Variants in SDK1 observed in about 807,000 individuals in gnomAD.
The protein encoded by SDK1 is sidekick cell adhesion molecule 1.
A neutral mutation model predicts 245.5 loss-of-function variants in SDK1; 157 were observed. The ratio of observed to expected loss-of-function variants is 0.64; its 90% CI spans 0.56 to 0.73. The LOEUF (loss-of-function observed/expected upper bound fraction) is 0.73, where lower values mean the gene tolerates loss of function less well. Among genes scored for constraint, SDK1 ranks in the 30% least tolerant of loss-of-function variants. The pLI, the probability that SDK1 is intolerant of heterozygous loss-of-function variation, is 0.00. For missense variants in SDK1, 3,583 were observed against 3,002.3 expected, an observed-to-expected ratio of 1.19 and a Z score of -4.52; for synonymous variants, 1,647 against 1,278.5, an observed-to-expected ratio of 1.29 and a Z score of -6.15.
intron 17 of SDK1, among the ~76,000 whole-genome samples, chr7:4,020,595 C>T (rs113970866): frequency 3.3e-5 from 5 of 152,212 alleles, no homozygotes; most frequent in African/African-American, 9.6e-5. Flanking sequence ...GAAGGTGGCA[C>T]ATGAGGAAGC....
In SDK1 at chr7:3,344,321, T is replaced by C. The variant is rs143943820; in HGVS notation, c.298+42437T>C. 1.4e-3 allele frequency among the ~76,000 whole-genome samples: 211 copies of C among 152,356 alleles called. 4 individuals carry two copies. Among genetic ancestry groups the C allele is most frequent in the African/African-American group, 4.9e-3 (205 of 41,590 alleles). ...TCAGTAGCATCAAATACGTTCACAT[T>C]GTCGTGCATCTAGTCTCCACAGCTA... On this transcript the variant is annotated intron_variant, in intron 1 of 44. Transcript: ENST00000404826.
intron 14 of SDK1, among the ~76,000 whole-genome samples, chr7:4,000,133 G>A (rs186683781): frequency 2.0e-5 from 3 of 152,300 alleles, no homozygotes; most frequent in East Asian, 1.9e-4. Flanking sequence ...GGAAGGAGGG[G>A]GCCCAAGATG....
At chr7:3,718,568 T>C (rs1292063840) in intron 4 of SDK1, among the ~76,000 whole-genome samples, 1 of 143,318 alleles carries the variant, frequency 7.0e-6, no homozygotes, top group African/African-American at 2.7e-5. Flanking sequence ...AATAAATAAA[T>C]AAATAAATAA....
At chr7:3,715,450 T>C (rs1785172657) in intron 4 of SDK1, among the ~76,000 whole-genome samples, 1 of 152,124 alleles carries the variant, frequency 6.6e-6, no homozygotes. Flanking sequence ...AAAGATATCC[T>C]CTCAGCCTAC....
rs191707071 is a variant in SDK1 at position 3,532,477 on chromosome 7, T to A, written c.299-86603T>A. Among the ~76,000 whole-genome samples the A allele has an allele frequency of 6.4e-4, 98 of 152,264 alleles. 1 individual carries two copies. Among genetic ancestry groups the A allele is most frequent in the African/African-American group, 2.2e-3 (93 of 41,536 alleles). On this transcript the variant is annotated intron_variant, in intron 1 of 44. Transcript: ENST00000404826. ...CTCACCTGGTAGCTTTGCCTCCTCT[T>A]CATGGTGGAGTAAATTGAGCCCTGA...
chr7:3,557,778 T>C (rs189928597), intron 1 of SDK1, among the ~76,000 whole-genome samples: 1 of 152,280 alleles, frequency 6.6e-6, no homozygotes, highest in East Asian at 1.9e-4. Context: ...TAAAAAAAGC[T>C]AGCAGCTTGT....
intron 26 of SDK1, 143 bp downstream of exon 26, chr7:4,127,639 T>A (rs1784478134): frequency 1.4e-5 from 9 of 652,674 alleles, no homozygotes; most frequent in Non-Finnish European, 2.5e-5. Flanking sequence ...ATTAAGATAT[T>A]CAGTTGTCTT....
At position 3,320,961 on chromosome 7, in the gene SDK1, A is replaced by AT. The variant is rs573642064; in HGVS notation, c.298+19078dup. On this transcript the variant is annotated intron_variant, in intron 1 of 44. Coordinates refer to ENST00000404826, the MANE Select transcript of SDK1 (RefSeq NM_152744.4). Reference sequence around the variant, plus strand: ...AAACCTTGTGCTTGACAAAAATTGAATGTTGCCTGTATACTCCAGACACAA... The same window carrying AT: ...AAACCTTGTGCTTGACAAAAATTGAATTGTTGCCTGTATACTCCAGACACAA... 3.8e-4 allele frequency among the ~76,000 whole-genome samples: 58 copies of AT among 152,230 alleles called. 1 individual carries two copies. The highest frequency in any genetic ancestry group is 2.6e-3 in the Admixed American group (40 of 15,280).
chr7:3,818,248 G>A (rs1454649803), intron 4 of SDK1, among the ~76,000 whole-genome samples: 3 of 152,138 alleles, frequency 2.0e-5, no homozygotes, highest in Admixed American at 6.5e-5. Flanking sequence ...GCCAAATATT[G>A]TAATTTTTCT....
chr7:3,922,164 G>A (rs1455656208), intron 5 of SDK1, among the ~76,000 whole-genome samples: 1 of 152,172 alleles, frequency 6.6e-6, no homozygotes, highest in Non-Finnish European at 1.5e-5. Context: ...GGTAGTCTCT[G>A]CCTTTTAGTT....
intron 5 of SDK1, among the ~76,000 whole-genome samples, chr7:3,929,778 G>A (rs763660348): frequency 7.2e-5 from 11 of 152,102 alleles, no homozygotes; most frequent in Non-Finnish European, 1.5e-4. Flanking sequence ...GATAGGTGGA[G>A]AGGTGTATTA....
rs544223401 is a variant in SDK1 at position 3,629,157 on chromosome 7, C to T, written c.459-9847C>T. On this transcript the variant is annotated intron_variant, in intron 2 of 44. Transcript: ENST00000404826. ...AATGCAAAAAAAAAAAAAAATTAGC[C>T]GGGCATGGTGGCGGGCGCCTGTAGT... 2.6e-5 allele frequency among the ~76,000 whole-genome samples: 4 copies of T among 151,506 alleles called. No individual in the cohort carries two copies. The South Asian group carries it at 8.4e-4, about 32-fold the overall frequency.
intron 1 of SDK1, among the ~76,000 whole-genome samples, chr7:3,477,250 C>T (rs1282934963): frequency 8.3e-6 from 1 of 120,208 alleles, no homozygotes; most frequent in African/African-American, 3.3e-5. Context: ...GGCTGGAGTG[C>T]AGCGGCGCGA....
intron 5 of SDK1, among the ~76,000 whole-genome samples, chr7:3,926,837 G>A (rs1779789010): frequency 6.6e-6 from 1 of 152,208 alleles, no homozygotes; most frequent in African/African-American, 2.4e-5. Flanking sequence ...TGTGACCCAG[G>A]CCACATCAGG....
chr7:3,345,782 T>C (rs1263739381), intron 1 of SDK1, among the ~76,000 whole-genome samples: 1 of 152,182 alleles, frequency 6.6e-6, no homozygotes, highest in Non-Finnish European at 1.5e-5. Context: ...TGTTGTTCCA[T>C]GAAATTTGAG....
intron 1 of SDK1, among the ~76,000 whole-genome samples, chr7:3,531,690 C>T (rs550979447): frequency 2.0e-5 from 3 of 152,078 alleles, no homozygotes; most frequent in South Asian, 4.1e-4. Context: ...CTATTTTTGT[C>T]GCCTCACCTA....
intron 1 of SDK1, among the ~76,000 whole-genome samples, chr7:3,540,007 T>G (rs1310527249): frequency 6.6e-6 from 1 of 152,226 alleles, no homozygotes; most frequent in Non-Finnish European, 1.5e-5. Flanking sequence ...GTGTGAAATA[T>G]CTTTACTTTT....
At chr7:3,896,249 C>T (rs751008710) in intron 5 of SDK1, among the ~76,000 whole-genome samples, 2 of 152,218 alleles carry the variant, frequency 1.3e-5, no homozygotes, top group Admixed American at 6.5e-5. Context: ...GGTTTGGCAT[C>T]TTCCTTCTCC....
intron 4 of SDK1, among the ~76,000 whole-genome samples, chr7:3,712,716 C>T (rs1398659356): frequency 6.6e-6 from 1 of 152,148 alleles, no homozygotes; most frequent in Non-Finnish European, 1.5e-5. Flanking sequence ...CAGTAGTTAC[C>T]TTGTTAGAGA....
Sources: gnomAD v4.1 joint callset for allele counts (sites outside exome capture counted in the v4.1 genomes callset) on GRCh38, gnomAD v4.1.1 for gene constraint, MANE v1.5 for transcripts, NCBI Gene and HGNC (gene_info 2026-07-23, HGNC 2026-07-21) for gene names.